The following CCDC102B variants were observed in gnomAD, a reference collection of about 807,000 sequenced individuals.
The protein encoded by CCDC102B is coiled-coil domain containing 102B.
CCDC102B carries 75 observed loss-of-function variants against 57.4 expected under a neutral mutation model. That is an observed-to-expected ratio of 1.31 (90% CI 1.08 to 1.58). The LOEUF is 1.58. Ranked by LOEUF, CCDC102B falls within the 40% of genes most tolerant of loss-of-function variation. CCDC102B has a pLI of 0.00. For missense variants in CCDC102B, 636 were observed against 582.6 expected (o/e 1.09, Z -0.94); for synonymous variants, 206 against 201.9 (o/e 1.02, Z -0.17).
upstream of CCDC102B, among the ~76,000 whole-genome samples, chr18:68,796,995 A>G (rs991138618): frequency 1.3e-5 from 2 of 152,100 alleles, no homozygotes; most frequent in Non-Finnish European, 1.5e-5. Context: ...GACTGAATTA[A>G]AAGTAAAGTT....
chr18:68,969,247 C>T (rs1457182982), intron 6 of CCDC102B, among the ~76,000 whole-genome samples: 1 of 152,186 alleles, frequency 6.6e-6, no homozygotes, highest in Non-Finnish European at 1.5e-5. Context: ...AGAACGGATG[C>T]AGAGCCCAGG....
chr18:69,010,135 A>C (rs1568122725), intron 6 of CCDC102B, among the ~76,000 whole-genome samples: 1 of 115,256 alleles, frequency 8.7e-6, no homozygotes, highest in African/African-American at 3.3e-5. Context: ...GTAGAGACGG[A>C]GTTTCACCGT....
At chr18:68,779,396 C>T (rs530795003) in intron 2 of CCDC102B, among the ~76,000 whole-genome samples, 54 of 152,136 alleles carry the variant, frequency 3.5e-4, no homozygotes, top group African/African-American at 1.2e-3. Context: ...TCAAAGATTG[C>T]GTAAGCATAG....
At chr18:68,861,211 G>T (rs1459964067) in intron 4 of CCDC102B, among the ~76,000 whole-genome samples, 7 of 151,610 alleles carry the variant, frequency 4.6e-5, no homozygotes, top group Non-Finnish European at 7.4e-5. Context: ...CTGAAGTTTT[G>T]TCAAGCTAAG....
intron 7 of CCDC102B, among the ~76,000 whole-genome samples, chr18:69,052,009 A>G (rs2052718370): frequency 6.6e-6 from 1 of 151,636 alleles, no homozygotes; most frequent in African/African-American, 2.4e-5. Context: ...GATATATTTC[A>G]TAATTTAATA....
chr18:68,954,661 C>G (rs1359650323), intron 6 of CCDC102B, among the ~76,000 whole-genome samples: 3 of 152,160 alleles, frequency 2.0e-5, no homozygotes, highest in Admixed American at 6.6e-5. Context: ...TATCTGCCAT[C>G]ATTAGCTCTG....
chr18:69,055,680 G>A (rs188047010), downstream of CCDC102B, among the ~76,000 whole-genome samples: 24 of 152,174 alleles, frequency 1.6e-4, no homozygotes, highest in African/African-American at 5.5e-4. Context: ...TGGGTGTGGG[G>A]CAACTGGCAA....
chr18:68,900,815 C>G (rs1236070839), intron 6 of CCDC102B, among the ~76,000 whole-genome samples: 1 of 152,000 alleles, frequency 6.6e-6, no homozygotes, highest in Non-Finnish European at 1.5e-5. Context: ...ATGAAGAAAC[C>G]AGCAAGTTAT....
intron 2 of CCDC102B, among the ~76,000 whole-genome samples, chr18:68,785,313 C>T (rs2035162746): frequency 6.6e-6 from 1 of 152,042 alleles, no homozygotes; most frequent in South Asian, 2.1e-4. Context: ...TTTATAGCAG[C>T]ATGATTTATA....
chr18:68,867,705 C>T (rs1002358757), intron 4 of CCDC102B, among the ~76,000 whole-genome samples: 6 of 151,942 alleles, frequency 3.9e-5, no homozygotes, highest in East Asian at 2.0e-4. Context: ...GAGGCCGAGG[C>T]GGGCGGATCA....
intron 6 of CCDC102B, among the ~76,000 whole-genome samples, chr18:68,956,852 T>C (rs114583541): frequency 0.021 from 3,249 of 151,436 alleles, 114 homozygotes; most frequent in African/African-American, 0.074. Context: ...TCGCTGTAAT[T>C]TTGACTTGCA....
At chr18:68,787,815 T>C (rs1263210892) in intron 2 of CCDC102B, among the ~76,000 whole-genome samples, 1 of 152,110 alleles carries the variant, frequency 6.6e-6, no homozygotes, top group Non-Finnish European at 1.5e-5. Flanking sequence ...GGGTTTTTTA[T>C]GTCTCTATTT....
At chr18:68,750,257 C>T (rs2033794047) in intron 2 of CCDC102B, among the ~76,000 whole-genome samples, 1 of 152,124 alleles carries the variant, frequency 6.6e-6, no homozygotes, top group Non-Finnish European at 1.5e-5. Flanking sequence ...CATCTCACAC[C>T]AGTTAGAATG....
At chr18:68,815,889 G>A (rs777273817) in intron 1 of CCDC102B, among the ~76,000 whole-genome samples, 3 of 151,952 alleles carry the variant, frequency 2.0e-5, no homozygotes, top group Non-Finnish European at 4.4e-5. Context: ...GAGCAAACAA[G>A]GAAAAATCAG....
intron 7 of CCDC102B, among the ~76,000 whole-genome samples, chr18:69,034,021 T>G (rs576080059): frequency 6.6e-6 from 1 of 152,164 alleles, no homozygotes; most frequent in East Asian, 1.9e-4. Context: ...ATTCACATCT[T>G]CTGCTCATTT....
chr18:68,781,703 G>T (rs2035012227), intron 2 of CCDC102B, among the ~76,000 whole-genome samples: 1 of 151,910 alleles, frequency 6.6e-6, no homozygotes, highest in African/African-American at 2.4e-5. Context: ...TTATTATTTT[G>T]TTATTTTAAA....
At chr18:68,899,686 C>A (rs1201499418) in intron 6 of CCDC102B, 1 of 152,086 alleles carries the variant, frequency 6.6e-6, no homozygotes, top group Non-Finnish European at 1.5e-5. Context: ...AAGAACCCCA[C>A]ATAAATTGTA....
intron 1 of CCDC102B, among the ~76,000 whole-genome samples, chr18:68,829,292 A>G (rs988916437): frequency 6.6e-6 from 1 of 151,986 alleles, no homozygotes; most frequent in Non-Finnish European, 1.5e-5. Context: ...AACTGGGGTG[A>G]CTGAAGTGGA....
intron 5 of CCDC102B, among the ~76,000 whole-genome samples, chr18:68,893,860 C>T (rs1484554173): frequency 2.0e-5 from 3 of 152,086 alleles, no homozygotes; most frequent in Non-Finnish European, 4.4e-5. Context: ...AGAACCAGTC[C>T]GTGTTTGTCC....
Sources: gnomAD v4.1 joint callset for allele counts (sites outside exome capture counted in the v4.1 genomes callset) on GRCh38, gnomAD v4.1.1 for gene constraint, MANE v1.5 for transcripts, NCBI Gene and HGNC (gene_info 2026-07-23, HGNC 2026-07-21) for gene names.